The following PLCE1 variants were observed in gnomAD, a reference collection of about 807,000 sequenced individuals.
The protein encoded by PLCE1 is phospholipase C epsilon 1, also known as 1-phosphatidylinositol 4,5-bisphosphate phosphodiesterase epsilon-1.
Under a neutral mutation model 242.8 loss-of-function variants are expected in PLCE1, and 119 were observed. The ratio of observed to expected loss-of-function variants is 0.49; its 90% CI spans 0.42 to 0.57. The LOEUF (loss-of-function observed/expected upper bound fraction) is 0.57. Ranked by LOEUF, PLCE1 falls within the 20% of genes least tolerant of loss-of-function variation. The probability of loss-of-function intolerance (pLI) is 0.00; values close to 1 mark genes in which losing one functional copy is unlikely to be tolerated. For synonymous variants in PLCE1, 945 were observed against 1,017.4 expected, an observed-to-expected ratio of 0.93 and a Z score of 1.35; for missense variants, 2,441 against 2,788.8, an observed-to-expected ratio of 0.88 and a Z score of 2.81.
chr10:94,267,409 C>A (rs924490592), intron 16 of PLCE1, among the ~76,000 whole-genome samples: 1 of 152,168 alleles, frequency 6.6e-6, no homozygotes, highest in Non-Finnish European at 1.5e-5. Flanking sequence ...CAAATAGACT[C>A]AGAGATGTGA....
At chr10:94,236,878 A>C (rs12262808) in intron 7 of PLCE1, among the ~76,000 whole-genome samples, 16,036 of 152,164 alleles carry the variant, frequency 0.11, 1,093 homozygotes, top group African/African-American at 0.19. Context: ...CTCGGCATCT[A>C]TGTATATATC....
At chr10:94,258,574 T>C (rs973302450) in intron 11 of PLCE1, among the ~76,000 whole-genome samples, 3 of 152,220 alleles carry the variant, frequency 2.0e-5, no homozygotes, top group African/African-American at 7.2e-5. Flanking sequence ...TGGGCCCTTA[T>C]TAAATAGACT....
intron 2 of PLCE1, among the ~76,000 whole-genome samples, chr10:94,077,733 C>T (rs924693903): frequency 1.3e-5 from 2 of 152,146 alleles, no homozygotes; most frequent in South Asian, 2.1e-4. Flanking sequence ...TGCCACTGCA[C>T]TCCAGCCTGG....
At chr10:94,084,116 G>T (rs934458498) in intron 2 of PLCE1, among the ~76,000 whole-genome samples, 3 of 152,200 alleles carry the variant, frequency 2.0e-5, no homozygotes, top group African/African-American at 7.2e-5. Context: ...TAAGGAGTGC[G>T]CTTCGACAAC....
chr10:94,289,951 AC>A (rs58783042), intron 22 of PLCE1, among the ~76,000 whole-genome samples: 11,111 of 151,936 alleles, frequency 0.073, 547 homozygotes, highest in East Asian at 0.19. Context: ...TAACTTTTTG[AC>A]TCTTTTGTAA....
At chr10:94,158,994 C>A (rs2047523982) in intron 3 of PLCE1, among the ~76,000 whole-genome samples, 1 of 147,842 alleles carries the variant, frequency 6.8e-6, no homozygotes. Context: ...AAATTTTCTT[C>A]TTTATACTTC....
Position 94,132,278 on chromosome 10 carries a change from C to T in PLCE1, c.1311C>T (p.Ser437=), listed in dbSNP as rs372039117. ...PASETAHGRI[S]VGPCLKQCVR... ...CCGAGACAGCCCATGGAAGGATAAG[C>T]GTTGGTCCATGCTTAAAGCAATGTG... Residue 437 remains serine (S), a synonymous_variant, in exon 3 of 33, where the codon AGC becomes AGT. Coordinates refer to ENST00000371380, the MANE Select transcript of PLCE1 (RefSeq NM_016341.4). The T allele has an allele frequency of 2.4e-5, 38 of 1,613,864 alleles. No individual in the cohort carries two copies. The highest frequency in any genetic ancestry group is 1.8e-4 in the Admixed American group (11 of 59,982).
In PLCE1 at chr10:94,290,311, G is replaced by A. The variant is rs998048525; in HGVS notation, c.5036-3197G>A. Among the ~76,000 whole-genome samples the A allele has an allele frequency of 8.0e-5, 12 of 150,860 alleles. No homozygotes were observed. In the South Asian group the frequency reaches 8.4e-4, roughly 11 times the overall value. On this transcript the variant is annotated intron_variant, in intron 22 of 32. Coordinates refer to ENST00000371380, the MANE Select transcript of PLCE1 (RefSeq NM_016341.4). ...AATACAGGCATGAGCCATCGCACCC[G>A]GCCATTTTCTTTCTTATTTTTCTCC...
At chr10:94,295,706 T>C (rs556214613) in intron 23 of PLCE1, among the ~76,000 whole-genome samples, 2 of 152,360 alleles carry the variant, frequency 1.3e-5, no homozygotes, top group South Asian at 4.1e-4. Context: ...AGCTTTAGCC[T>C]TATGAAATTT....
At position 94,011,642 on chromosome 10, in the gene PLCE1, C is replaced by T. The variant is rs548209531; in HGVS notation, c.-365+17384C>T. Among the ~76,000 whole-genome samples the T allele has an allele frequency of 1.1e-4, 16 of 152,082 alleles. No homozygotes were observed. In the East Asian group the frequency reaches 1.2e-3, roughly 11 times the overall value. On this transcript the variant is annotated intron_variant, in intron 1 of 32. Transcript: ENST00000371380. ...AAAGCTGGAGTGATTTATCTGGGGA[C>T]GGGTGGGTTGGATTTGAAAACATTT...
At chr10:94,263,715 G>A (rs578176377) in intron 14 of PLCE1, among the ~76,000 whole-genome samples, 1 of 151,736 alleles carries the variant, frequency 6.6e-6, no homozygotes, top group Non-Finnish European at 1.5e-5. Context: ...CAAAAAACAA[G>A]TATGTAAGTG....
chr10:94,067,760 A>C (rs578027413), intron 2 of PLCE1, among the ~76,000 whole-genome samples: 20 of 152,296 alleles, frequency 1.3e-4, no homozygotes, highest in African/African-American at 4.6e-4. Context: ...GTACAGAGTA[A>C]AAGAAATACT....
chr10:94,329,772 G>T lies in PLCE1; in HGVS notation c.*1829G>T, dbSNP rs1468272245. The T allele has an allele frequency of 2.2e-5, 1 of 45,566 alleles. No homozygotes were observed. Among genetic ancestry groups the T allele is most frequent in the Non-Finnish European group, 4.4e-5 (1 of 22,622 alleles). The allele number at this position is 45,566 out of a possible 1,614,324, so 2.8% of individuals were successfully genotyped here. On this transcript the variant is annotated 3_prime_UTR_variant, in exon 33 of 33. Coordinates refer to ENST00000371380, the MANE Select transcript of PLCE1 (RefSeq NM_016341.4). ...CAGCCTGGTGACAGAGCGAGACTCC[G>T]TCTCAAAAAAAAAAAAAAAAAAAAA...
intron 20 of PLCE1, among the ~76,000 whole-genome samples, chr10:94,282,378 T>C (rs2052267971): frequency 6.6e-6 from 1 of 152,084 alleles, no homozygotes; most frequent in South Asian, 2.1e-4. Context: ...CCAACCTTGT[T>C]GTTTACCTTG....
At chr10:94,136,389 A>G (rs1236336063) in intron 3 of PLCE1, among the ~76,000 whole-genome samples, 1 of 152,156 alleles carries the variant, frequency 6.6e-6, no homozygotes. Context: ...GAGATAGTAA[A>G]TTTTATGTTG....
At chr10:94,325,363 C>T in intron 32 of PLCE1, 1 of 381,262 alleles carries the variant, frequency 2.6e-6, no homozygotes, top group Non-Finnish European at 5.0e-6. Context: ...CTTTGGGAGG[C>T]CAAGGCAGGC....
At chr10:94,313,179 A>G in intron 27 of PLCE1, 75 bp from the exon 28 acceptor site, 1 of 1,560,830 alleles carries the variant, frequency 6.4e-7, no homozygotes, top group Non-Finnish European at 8.8e-7. Context: ...TCTAAGTACT[A>G]GCACCTCTGT....
chr10:94,274,722 C>T (rs1291053133), intron 19 of PLCE1, among the ~76,000 whole-genome samples: 2 of 152,172 alleles, frequency 1.3e-5, no homozygotes, highest in African/African-American at 4.8e-5. Context: ...TCTGGAGGTG[C>T]AGTCAGCCCC....
rs983280479 is a variant in PLCE1, at chr10:94,003,853, A to T, written c.-365+9595A>T. Among the ~76,000 whole-genome samples, 5 of 152,084 alleles carry T rather than the reference A, an allele frequency of 3.3e-5. No homozygotes were observed. The South Asian group carries it at 8.3e-4, about 25-fold the overall frequency. Reference sequence around the variant, plus strand: ...GTGAGATGAAAATGAAATGCCTTTTAAAAAAAATTGTAGGCTGGGTGCAGT... The same window carrying T: ...GTGAGATGAAAATGAAATGCCTTTTTAAAAAAATTGTAGGCTGGGTGCAGT... On this transcript the variant is annotated intron_variant, in intron 1 of 32. Coordinates refer to ENST00000371380, the MANE Select transcript of PLCE1 (RefSeq NM_016341.4).
Sources: gnomAD v4.1 joint callset for allele counts (sites outside exome capture counted in the v4.1 genomes callset) on GRCh38, gnomAD v4.1.1 for gene constraint, MANE v1.5 for transcripts, NCBI Gene and HGNC (gene_info 2026-07-23, HGNC 2026-07-21) for gene names.